Variants in ZNF804A observed in about 807,000 individuals in gnomAD.
The protein encoded by ZNF804A is zinc finger protein 804A.
In ZNF804A, 2 loss-of-function variants were observed where a neutral mutation model predicts 16.5. The ratio of observed to expected loss-of-function variants is 0.12; its 90% CI spans 0.05 to 0.38. The LOEUF (loss-of-function observed/expected upper bound fraction) is 0.38, where lower values mean the gene tolerates loss of function less well. Ranked by LOEUF, ZNF804A falls within the 10% of genes least tolerant of loss-of-function variation. ZNF804A has a pLI of 0.99. For missense variants in ZNF804A, 1,473 were observed against 1,390.7 expected (o/e 1.06, Z -0.94); for synonymous variants, 534 against 489.6 (o/e 1.09, Z -1.20).
chr2:184,606,359 C>G (rs886758876), intron 1 of ZNF804A, among the ~76,000 whole-genome samples: 2 of 152,050 alleles, frequency 1.3e-5, no homozygotes, highest in Non-Finnish European at 2.9e-5. Context: ...AGGGGAAATG[C>G]CAGATGCGTA....
intron 1 of ZNF804A, among the ~76,000 whole-genome samples, chr2:184,815,965 C>T (rs1694976443): frequency 6.6e-6 from 1 of 151,914 alleles, no homozygotes; most frequent in Non-Finnish European, 1.5e-5. Context: ...CACCAAGTGC[C>T]TTAAATCTCT....
intron 1 of ZNF804A, among the ~76,000 whole-genome samples, chr2:184,804,245 T>C (rs1005765261): frequency 6.6e-6 from 1 of 152,176 alleles, no homozygotes; most frequent in Non-Finnish European, 1.5e-5. Flanking sequence ...TTTGTGATCT[T>C]TAACTTCATT....
At chr2:184,862,930 G>A (rs1695821392) in intron 1 of ZNF804A, among the ~76,000 whole-genome samples, 1 of 151,982 alleles carries the variant, frequency 6.6e-6, no homozygotes, top group Non-Finnish European at 1.5e-5. Context: ...CTTTGTTTTG[G>A]TCTGATATTG....
At chr2:184,682,974 C>T (rs1171509054) in intron 1 of ZNF804A, among the ~76,000 whole-genome samples, 3 of 152,194 alleles carry the variant, frequency 2.0e-5, no homozygotes, top group Non-Finnish European at 4.4e-5. Flanking sequence ...TGCCTCCGCA[C>T]TCCATGCTAC....
intron 2 of ZNF804A, among the ~76,000 whole-genome samples, chr2:184,891,604 C>T (rs1274058968): frequency 6.6e-6 from 1 of 152,052 alleles, no homozygotes; most frequent in Non-Finnish European, 1.5e-5. Context: ...TCTCAGCCTC[C>T]ACTCTACTTG....
At chr2:184,628,132 T>A (rs1691536267) in intron 1 of ZNF804A, among the ~76,000 whole-genome samples, 1 of 152,064 alleles carries the variant, frequency 6.6e-6, no homozygotes, top group Non-Finnish European at 1.5e-5. Context: ...CTGACCAACA[T>A]GGAGAAACCC....
intron 1 of ZNF804A, among the ~76,000 whole-genome samples, chr2:184,681,801 A>G (rs1692545252): frequency 6.6e-6 from 1 of 152,136 alleles, no homozygotes; most frequent in Middle Eastern, 3.2e-3. Flanking sequence ...TCCCAACACA[A>G]ATGCAGCTGC....
intron 1 of ZNF804A, among the ~76,000 whole-genome samples, chr2:184,605,028 T>C (rs996589673): frequency 1.4e-4 from 22 of 152,244 alleles, no homozygotes; most frequent in African/African-American, 4.1e-4. Flanking sequence ...TATTCTTTAA[T>C]ATATACTTAT....
chr2:184,766,654 C>T (rs985801023), intron 1 of ZNF804A, among the ~76,000 whole-genome samples: 3 of 151,348 alleles, frequency 2.0e-5, no homozygotes, highest in Non-Finnish European at 4.4e-5. Flanking sequence ...AGAGAATTAC[C>T]TTACAATCCA....
intron 1 of ZNF804A, among the ~76,000 whole-genome samples, chr2:184,621,506 AGTAT>A: frequency 6.6e-6 from 1 of 151,868 alleles, no homozygotes; most frequent in South Asian, 2.1e-4. Context: ...TACTAGAGAA[AGTAT>A]GTGTCTGCAT....
rs1389194437 is a variant in ZNF804A, at chr2:184,850,314, A to C, written c.112-16055A>C. 4.0e-5 allele frequency among the ~76,000 whole-genome samples: 6 copies of C among 151,896 alleles called. No homozygotes were observed. In the Admixed American group the frequency reaches 4.0e-4, roughly 10 times the overall value. On this transcript the variant is annotated intron_variant, in intron 1 of 3. Coordinates refer to ENST00000302277, the MANE Select transcript of ZNF804A (RefSeq NM_194250.2). ...TGTTTGTTAGACATTATATGCCTAT[A>C]TCAAAACATCATGTGTACCCATAAT...
chr2:184,788,110 G>A (rs2105777306), intron 1 of ZNF804A, among the ~76,000 whole-genome samples: 1 of 151,808 alleles, frequency 6.6e-6, no homozygotes, highest in Admixed American at 6.6e-5. Flanking sequence ...TTTTCCCATT[G>A]TTTATTTTTG....
At chr2:184,806,947 A>G (rs945208060) in intron 1 of ZNF804A, among the ~76,000 whole-genome samples, 1 of 151,964 alleles carries the variant, frequency 6.6e-6, no homozygotes, top group East Asian at 1.9e-4. Context: ...TGAAAATTCT[A>G]TTGAATTATC....
chr2:184,810,616 G>T (rs555328499), intron 1 of ZNF804A, among the ~76,000 whole-genome samples: 2 of 148,654 alleles, frequency 1.3e-5, no homozygotes, highest in East Asian at 4.1e-4. Flanking sequence ...TCAGCCTTCC[G>T]AGTAGCTGGG....
chr2:184,840,624 A>G (rs1695421915), intron 1 of ZNF804A, among the ~76,000 whole-genome samples: 1 of 152,076 alleles, frequency 6.6e-6, no homozygotes, highest in Non-Finnish European at 1.5e-5. Flanking sequence ...TAAAAGCAAA[A>G]CAAAACAGAA....
At chr2:184,921,274 T>C (rs1685524219) in intron 2 of ZNF804A, among the ~76,000 whole-genome samples, 2 of 152,134 alleles carry the variant, frequency 1.3e-5, no homozygotes, top group African/African-American at 2.4e-5. Context: ...TTTAAAACTC[T>C]ACAAAGTATT....
intron 1 of ZNF804A, among the ~76,000 whole-genome samples, chr2:184,728,210 G>A (rs1434988253): frequency 2.0e-5 from 3 of 151,688 alleles, no homozygotes; most frequent in Non-Finnish European, 3.0e-5. Flanking sequence ...TAACCAACTC[G>A]AGAAATATTT....
chr2:184,610,619 A>G (rs1691221228), intron 1 of ZNF804A, among the ~76,000 whole-genome samples: 1 of 152,148 alleles, frequency 6.6e-6, no homozygotes, highest in East Asian at 1.9e-4. Context: ...CCAAGAAAGT[A>G]TCAATGGAAA....
At chr2:184,707,387 C>A (rs1366000875) in intron 1 of ZNF804A, among the ~76,000 whole-genome samples, 1 of 152,088 alleles carries the variant, frequency 6.6e-6, no homozygotes, top group Non-Finnish European at 1.5e-5. Context: ...TACAGATGAT[C>A]CTGTCACCCA....
Sources: gnomAD v4.1 joint callset for allele counts (sites outside exome capture counted in the v4.1 genomes callset) on GRCh38, gnomAD v4.1.1 for gene constraint, MANE v1.5 for transcripts, NCBI Gene and HGNC (gene_info 2026-07-23, HGNC 2026-07-21) for gene names.